Variants in IMMP2L observed in about 807,000 individuals in gnomAD.
IMMP2L encodes mitochondrial inner membrane protease subunit 2.
A neutral mutation model predicts 19.3 loss-of-function variants in IMMP2L; 18 were observed. The ratio of observed to expected loss-of-function variants is 0.93; its 90% CI spans 0.64 to 1.38. IMMP2L has a LOEUF of 1.38. Ranked by LOEUF, IMMP2L falls within the 40% of genes most tolerant of loss-of-function variation. The probability of loss-of-function intolerance (pLI) is 0.00; values close to 1 mark genes in which losing one functional copy is unlikely to be tolerated. For missense variants in IMMP2L, 233 were observed against 218.2 expected, an observed-to-expected ratio of 1.07 and a Z score of -0.43; for synonymous variants, 76 against 73.0, an observed-to-expected ratio of 1.04 and a Z score of -0.21.
intron 3 of IMMP2L, among the ~76,000 whole-genome samples, chr7:111,203,533 A>T (rs1337410606): frequency 6.6e-6 from 1 of 151,132 alleles, no homozygotes; most frequent in Non-Finnish European, 1.5e-5. Flanking sequence ...TTTGGGAAAG[A>T]GTAGCCTAGG....
chr7:111,444,569 T>A (rs76572484), intron 3 of IMMP2L, among the ~76,000 whole-genome samples: 2,198 of 152,288 alleles, frequency 0.014, 46 homozygotes, highest in African/African-American at 0.05. Context: ...TGAATTTTTT[T>A]AAATTATTTT....
At chr7:111,444,178 T>C (rs1438369737) in intron 3 of IMMP2L, among the ~76,000 whole-genome samples, 1 of 152,184 alleles carries the variant, frequency 6.6e-6, no homozygotes, top group Non-Finnish European at 1.5e-5. Flanking sequence ...ATTAATTACA[T>C]TGTCCTTTTT....
chr7:110,935,419 T>C (rs1348608696), intron 4 of IMMP2L, among the ~76,000 whole-genome samples: 4 of 109,494 alleles, frequency 3.7e-5, no homozygotes, highest in Non-Finnish European at 5.2e-5. Flanking sequence ...TCTCTCTGGC[T>C]GCCCTTTACA....
intron 3 of IMMP2L, among the ~76,000 whole-genome samples, chr7:111,342,358 C>T (rs1286236635): frequency 6.6e-6 from 1 of 152,152 alleles, no homozygotes; most frequent in East Asian, 1.9e-4. Context: ...CCTTGGGAGG[C>T]CGAGGTGAGC....
intron 3 of IMMP2L, among the ~76,000 whole-genome samples, chr7:110,973,331 A>G (rs527986102): frequency 3.4e-4 from 52 of 152,194 alleles, no homozygotes; most frequent in African/African-American, 1.3e-3. Context: ...AAATCTGGGG[A>G]AAAATTCCTA....
chr7:111,275,516 A>C (rs945262486), intron 3 of IMMP2L, among the ~76,000 whole-genome samples: 1 of 152,196 alleles, frequency 6.6e-6, no homozygotes, highest in African/African-American at 2.4e-5. Context: ...CTGAAAATGT[A>C]ATAATACAAA....
intron 3 of IMMP2L, among the ~76,000 whole-genome samples, chr7:111,174,114 T>C (rs970986694): frequency 1.3e-5 from 2 of 151,670 alleles, no homozygotes; most frequent in Non-Finnish European, 3.0e-5. Flanking sequence ...TATAAGAATA[T>C]TTTTTAAAAC....
chr7:111,409,223 T>C (rs1408896729), intron 3 of IMMP2L, among the ~76,000 whole-genome samples: 1 of 151,680 alleles, frequency 6.6e-6, no homozygotes, highest in African/African-American at 2.4e-5. Flanking sequence ...CATTTCATAA[T>C]AGAAAGCCAA....
intron 3 of IMMP2L, among the ~76,000 whole-genome samples, chr7:110,981,545 A>G (rs181946253): frequency 1.3e-5 from 2 of 152,230 alleles, no homozygotes; most frequent in Admixed American, 1.3e-4. Context: ...TTAAAGAAAA[A>G]AAAAACCTAG....
At chr7:111,215,503 A>G (rs144507645) in intron 3 of IMMP2L, among the ~76,000 whole-genome samples, 52 of 152,288 alleles carry the variant, frequency 3.4e-4, no homozygotes, top group African/African-American at 1.1e-3. Flanking sequence ...CAAATTTACT[A>G]CACATAACAG....
intron 5 of IMMP2L, among the ~76,000 whole-genome samples, chr7:110,767,035 G>T (rs757446401): frequency 3.9e-5 from 6 of 152,088 alleles, no homozygotes; most frequent in Non-Finnish European, 5.9e-5. Context: ...TAATGATTAC[G>T]TGGAAGCATT....
At position 110,663,465 on chromosome 7, in the gene IMMP2L, G is replaced by A. The variant is rs879035945; in HGVS notation, c.*137C>T. 5.9e-6 allele frequency: 4 copies of A among 680,448 alleles called. No individual in the cohort carries two copies. The South Asian group carries it at 7.2e-5, about 12-fold the overall frequency. The allele number at this position is 680,448 out of a possible 1,614,324, so 42.2% of individuals were successfully genotyped here. A position where few individuals can be genotyped will look rare whatever the true frequency, so the allele number is the denominator to read the frequency against. On this transcript the variant is annotated 3_prime_UTR_variant, in exon 6 of 6. Coordinates refer to ENST00000405709, the MANE Select transcript of IMMP2L (RefSeq NM_032549.4). ...TGAAAATTATTTATTTAATAATACA[G>A]ATCGTTTTAATGTGCTGTAAATATT...
At chr7:111,287,615 T>A (rs901547538) in intron 3 of IMMP2L, among the ~76,000 whole-genome samples, 1 of 152,124 alleles carries the variant, frequency 6.6e-6, no homozygotes, top group Non-Finnish European at 1.5e-5. Flanking sequence ...GTATTGAGTA[T>A]GAAAATGGCT....
intron 1 of IMMP2L, among the ~76,000 whole-genome samples, chr7:111,558,765 T>C (rs1791672881): frequency 6.6e-6 from 1 of 152,196 alleles, no homozygotes. Context: ...CTTTCCTTAG[T>C]ACCTTTAGGA....
At chr7:111,255,972 A>C (rs1816650555) in intron 3 of IMMP2L, among the ~76,000 whole-genome samples, 1 of 152,098 alleles carries the variant, frequency 6.6e-6, no homozygotes, top group African/African-American at 2.4e-5. Flanking sequence ...ATGCTTTTTA[A>C]AAAACTTTTC....
intron 2 of IMMP2L, among the ~76,000 whole-genome samples, chr7:111,499,456 C>T (rs1027030432): frequency 2.0e-5 from 3 of 152,154 alleles, no homozygotes; most frequent in Non-Finnish European, 4.4e-5. Context: ...TCCGTTAATT[C>T]ATGATATGCA....
In IMMP2L at chr7:111,179,384, T is replaced by TC. The variant is rs559883265; in HGVS notation, c.240-215820_240-215819insG. Among the ~76,000 whole-genome samples, 57 of 152,182 alleles carry TC rather than the reference T, an allele frequency of 3.7e-4. 1 individual carries two copies. The highest frequency in any genetic ancestry group is 1.2e-3 in the African/African-American group (48 of 41,540). Reference sequence around the variant, plus strand: ...AACATTATGAGATTTTTTTGCAATTTTTTTTTTAGCCTATCAGCTGTTGGT... The same window carrying TC: ...AACATTATGAGATTTTTTTGCAATTTCTTTTTTTAGCCTATCAGCTGTTGGT... On this transcript the variant is annotated intron_variant, in intron 3 of 5. Transcript: ENST00000405709.
intron 3 of IMMP2L, among the ~76,000 whole-genome samples, chr7:111,346,007 C>G (rs1827501603): frequency 6.6e-6 from 1 of 152,152 alleles, no homozygotes; most frequent in Non-Finnish European, 1.5e-5. Context: ...ATAGCTTATT[C>G]AATTTCAACC....
At chr7:111,124,677 C>G (rs1407869025) in intron 3 of IMMP2L, 3 of 1,613,728 alleles carry the variant, frequency 1.9e-6, no homozygotes, top group Middle Eastern at 1.7e-4. Flanking sequence ...GTCTTGGAGG[C>G]CTTCTGGGGA....
Sources: allele counts gnomAD v4.1 joint callset (sites outside exome capture counted in the v4.1 genomes callset), GRCh38; gene constraint gnomAD v4.1.1; transcripts MANE v1.5; gene names NCBI Gene and HGNC (gene_info 2026-07-23, HGNC 2026-07-21).